BPTF: variants seen among roughly 807,000 people sequenced by gnomAD.
The protein encoded by BPTF is nucleosome-remodeling factor subunit BPTF.
BPTF carries 18 observed loss-of-function variants against 292.5 expected under a neutral mutation model. The ratio of observed to expected loss-of-function variants is 0.06; its 90% CI spans 0.04 to 0.09. The LOEUF (loss-of-function observed/expected upper bound fraction) is 0.09. Ranked by LOEUF, BPTF falls within the 10% of genes least tolerant of loss-of-function variation. The probability of loss-of-function intolerance (pLI) is 1.00; values close to 1 mark genes in which losing one functional copy is unlikely to be tolerated. For missense variants in BPTF, 2,726 were observed against 3,498.7 expected, an observed-to-expected ratio of 0.78 and a Z score of 5.57; for synonymous variants, 1,225 against 1,251.9, an observed-to-expected ratio of 0.98 and a Z score of 0.45.
chr17:67,963,538 A>G (rs1555685134), intron 24 of BPTF: 5 of 1,368,866 alleles, frequency 3.7e-6, no homozygotes, highest in Non-Finnish European at 3.8e-6. Context: ...ATATTTAATA[A>G]TTTAGGAAGC....
chr17:67,847,062 T>C (rs1214276212), intron 1 of BPTF, among the ~76,000 whole-genome samples: 2 of 152,308 alleles, frequency 1.3e-5, no homozygotes, highest in East Asian at 3.9e-4. Context: ...TTGTAACTCT[T>C]AGTGGTACTG....
chr17:67,968,663 C>G (rs1177571466), intron 26 of BPTF, among the ~76,000 whole-genome samples: 4 of 151,014 alleles, frequency 2.6e-5, no homozygotes, highest in African/African-American at 7.4e-5. Flanking sequence ...TGGCGGGCAC[C>G]TGTAGTCCCA....
At chr17:67,885,809 T>C (rs571827159) in intron 4 of BPTF, among the ~76,000 whole-genome samples, 1 of 152,340 alleles carries the variant, frequency 6.6e-6, no homozygotes, top group East Asian at 1.9e-4. Context: ...GAGATAGTCA[T>C]ATCACTTGGT....
intron 12 of BPTF, 75 bp downstream of exon 12, chr17:67,918,913 C>T: frequency 6.7e-7 from 1 of 1,502,734 alleles, no homozygotes; most frequent in Non-Finnish European, 9.0e-7. Context: ...GCGCTCATGC[C>T]TGTAATCCCA....
chr17:67,873,926 G>C (rs1327082168), intron 3 of BPTF, among the ~76,000 whole-genome samples: 5 of 152,006 alleles, frequency 3.3e-5, no homozygotes, highest in African/African-American at 4.8e-5. Flanking sequence ...GTGGATTGTA[G>C]GGCTGGGGCA....
At chr17:67,947,575 G>T in intron 21 of BPTF, 151 bp from the exon 22 acceptor site, 2 of 609,896 alleles carry the variant, frequency 3.3e-6, no homozygotes, top group Non-Finnish European at 5.4e-6. Context: ...CAGGCCATCT[G>T]GTAGCTGCTA....
intron 18 of BPTF, among the ~76,000 whole-genome samples, chr17:67,936,205 TTTG>T (rs1022871562): frequency 9.2e-5 from 14 of 152,186 alleles, no homozygotes; most frequent in South Asian, 2.1e-4. Flanking sequence ...AGCAGGGTTT[TTTG>T]TTGTTGTTGT....
At chr17:67,903,718 C>T in intron 7 of BPTF, 71 bp from the exon 8 acceptor site, 2 of 1,367,976 alleles carry the variant, frequency 1.5e-6, no homozygotes, top group Admixed American at 5.8e-5. Context: ...CCTAATTTTT[C>T]AGTATTGCAT....
intron 1 of BPTF, among the ~76,000 whole-genome samples, chr17:67,842,132 A>G (rs955303656): frequency 3.3e-5 from 5 of 152,054 alleles, no homozygotes; most frequent in Admixed American, 1.3e-4. Flanking sequence ...ATATATCTTT[A>G]TACACTTTCA....
At chr17:67,860,680 T>C (rs939013363) in intron 2 of BPTF, among the ~76,000 whole-genome samples, 7 of 152,228 alleles carry the variant, frequency 4.6e-5, no homozygotes, top group Non-Finnish European at 1.0e-4. Flanking sequence ...TAGCATGTTT[T>C]TCTGTCACTC....
intron 2 of BPTF, among the ~76,000 whole-genome samples, chr17:67,861,988 G>GT (rs1260209236): frequency 3.9e-5 from 6 of 152,012 alleles, no homozygotes; most frequent in East Asian, 3.9e-4. Flanking sequence ...GTTTTGTTTT[G>GT]TTTTTTGATA....
intron 3 of BPTF, among the ~76,000 whole-genome samples, chr17:67,868,769 A>G (rs2059535475): frequency 6.6e-6 from 1 of 152,214 alleles, no homozygotes; most frequent in African/African-American, 2.4e-5. Flanking sequence ...GGATAGCTGT[A>G]TCCAACCTTG....
At chr17:67,866,401 T>C (rs2059393213) in intron 2 of BPTF, 63 bp from the exon 3 acceptor site, 2 of 1,286,284 alleles carry the variant, frequency 1.6e-6, no homozygotes, top group African/African-American at 1.5e-5. Flanking sequence ...ACTGGGTAGA[T>C]GAACTGTCAG....
At chr17:67,927,944 C>T (rs1434366551) in intron 15 of BPTF, among the ~76,000 whole-genome samples, 1 of 151,872 alleles carries the variant, frequency 6.6e-6, no homozygotes, top group African/African-American at 2.4e-5. Context: ...AGTGCAGTGG[C>T]ATGATCTCAG....
rs754110246 is a variant in BPTF, at chr17:67,886,330, T to C, written c.1865-5514T>C. 25 of 1,534,766 alleles carry C rather than the reference T, an allele frequency of 1.6e-5. No individual in the cohort carries two copies. The highest frequency in any genetic ancestry group is 2.1e-5 in the Non-Finnish European group (24 of 1,130,616). Reference sequence around the variant, plus strand: ...AGGAAGAGATAGGTAAGAATATACTTCATCCATTCCTTTAAAGGGAAGTTT... The same window carrying C: ...AGGAAGAGATAGGTAAGAATATACTCCATCCATTCCTTTAAAGGGAAGTTT... On this transcript the variant is annotated intron_variant, in intron 4 of 27. Transcript: ENST00000306378.
chr17:67,865,573 C>G (rs2145438736), intron 2 of BPTF, among the ~76,000 whole-genome samples: 1 of 152,306 alleles, frequency 6.6e-6, no homozygotes, highest in East Asian at 1.9e-4. Context: ...TCTCCTAAAG[C>G]CCAGTTCTTT....
intron 9 of BPTF, among the ~76,000 whole-genome samples, chr17:67,908,867 C>T (rs2062437971): frequency 7.1e-6 from 1 of 140,256 alleles, no homozygotes; most frequent in South Asian, 2.3e-4. Context: ...CGGAGTCTCA[C>T]TCTGTCGCCC....
At chr17:67,960,059 T>A (rs2148307002) in intron 24 of BPTF, 184 bp downstream of exon 24, 4 of 522,096 alleles carry the variant, frequency 7.7e-6, no homozygotes, top group Middle Eastern at 5.1e-4. Context: ...AAATTTGCTA[T>A]TTCACGTGTT....
chr17:67,982,122 C>T (rs2070491526), intron 27 of BPTF, 130 bp from the exon 28 acceptor site: 2 of 823,786 alleles, frequency 2.4e-6, no homozygotes, highest in Admixed American at 2.0e-5. Flanking sequence ...CTTTTCTATT[C>T]GCTTGCCAAG....
Sources: allele counts gnomAD v4.1 joint callset (sites outside exome capture counted in the v4.1 genomes callset), GRCh38; gene constraint gnomAD v4.1.1; transcripts MANE v1.5; gene names NCBI Gene and HGNC (gene_info 2026-07-23, HGNC 2026-07-21).